The following KATNAL2 variants were observed in gnomAD, a reference collection of about 807,000 sequenced individuals.
KATNAL2 encodes katanin p60 ATPase-containing subunit A-like 2.
Under a neutral mutation model 76.3 loss-of-function variants are expected in KATNAL2, and 52 were observed. That is an observed-to-expected ratio of 0.68 (90% CI 0.55 to 0.86). The LOEUF (loss-of-function observed/expected upper bound fraction) is 0.86. KATNAL2 is among the 40% of genes least tolerant of loss of function. The pLI is 0.00. For missense variants in KATNAL2, 660 were observed against 668.9 expected (o/e 0.99, Z 0.15); for synonymous variants, 243 against 244.2 (o/e 1.00, Z 0.05).
intron 16 of KATNAL2, among the ~76,000 whole-genome samples, 159 bp from the exon 17 acceptor site, chr18:47,100,095 T>C (rs1314286769): frequency 7.6e-6 from 1 of 132,336 alleles, no homozygotes; most frequent in African/African-American, 2.6e-5. Flanking sequence ...GCAGGGTCTC[T>C]TCCTCAAGCA....
At chr18:46,923,059 T>C (rs1335022768) in intron 1 of KATNAL2, among the ~76,000 whole-genome samples, 1 of 150,836 alleles carries the variant, frequency 6.6e-6, no homozygotes, top group Non-Finnish European at 1.5e-5. Context: ...AACTTATTTT[T>C]TTTTTAATTT....
At chr18:47,082,565 T>C (rs1204554924) in intron 15 of KATNAL2, among the ~76,000 whole-genome samples, 1 of 152,244 alleles carries the variant, frequency 6.6e-6, no homozygotes, top group Non-Finnish European at 1.5e-5. Flanking sequence ...CTTGATTTTA[T>C]CTTAACAAAA....
At chr18:47,096,826 C>T (rs1438520089) in intron 15 of KATNAL2, among the ~76,000 whole-genome samples, 1 of 152,024 alleles carries the variant, frequency 6.6e-6, no homozygotes, top group Non-Finnish European at 1.5e-5. Context: ...CATAATAACT[C>T]CAAATAATGT....
rs1599745900 is a variant in KATNAL2 at position 47,069,210 on chromosome 18, G to C, written c.826-10G>C. 1.0e-5 allele frequency: 16 copies of C among 1,604,856 alleles called. No homozygotes were observed. The East Asian group carries it at 3.3e-4, about 34-fold the overall frequency. ...GTACCAAACCTCATCCTTGTTCCTT[G>C]TTTCCTTAGTATCCACAGCTATTTA... On this transcript the variant is annotated splice_polypyrimidine_tract_variant and intron_variant, in intron 11 of 17. Coordinates refer to ENST00000683218, the MANE Select transcript of KATNAL2 (RefSeq NM_001387690.1).
intron 15 of KATNAL2, among the ~76,000 whole-genome samples, chr18:47,078,164 A>C (rs2062329816): frequency 6.6e-6 from 1 of 152,220 alleles, no homozygotes; most frequent in African/African-American, 2.4e-5. Context: ...AGAGGGGACC[A>C]AGGTCAAGAG....
intron 3 of KATNAL2, among the ~76,000 whole-genome samples, chr18:47,031,012 T>TTC (rs2060385506): frequency 1.5e-4 from 1 of 6,622 alleles, no homozygotes; most frequent in African/African-American, 4.8e-4. Context: ...CTCTAGCATC[T>TTC]CCCCCCCCCC....
intron 1 of KATNAL2, among the ~76,000 whole-genome samples, chr18:46,940,939 CA>C (rs2059228638): frequency 6.6e-6 from 1 of 152,084 alleles, no homozygotes; most frequent in African/African-American, 2.4e-5. Flanking sequence ...GTGGGAGGAT[CA>C]CTTGAACCCA....
intron 1 of KATNAL2, among the ~76,000 whole-genome samples, chr18:46,932,384 A>G (rs2058954125): frequency 6.6e-6 from 1 of 152,058 alleles, no homozygotes; most frequent in Non-Finnish European, 1.5e-5. Flanking sequence ...AGAAATTAAA[A>G]AATGAAAGGG....
At chr18:47,036,215 TCTC>T (rs1170028242) in intron 3 of KATNAL2, among the ~76,000 whole-genome samples, 3 of 152,208 alleles carry the variant, frequency 2.0e-5, no homozygotes, top group Non-Finnish European at 4.4e-5. Flanking sequence ...CGCCTCATGA[TCTC>T]CTTTTGAAAC....
At chr18:46,968,133 G>T (rs1188420126) in intron 3 of KATNAL2, among the ~76,000 whole-genome samples, 6 of 117,758 alleles carry the variant, frequency 5.1e-5, no homozygotes, top group African/African-American at 1.9e-4. Context: ...TCTCCGTTTG[G>T]CCCAGCCTGT....
intron 3 of KATNAL2, among the ~76,000 whole-genome samples, chr18:46,950,699 TTTGAGACA>T (rs1162456344): frequency 2.6e-5 from 4 of 152,182 alleles, no homozygotes; most frequent in Non-Finnish European, 5.9e-5. Context: ...TTTTTCTTTT[TTTGAGACA>T]GAGTTTCACT....
At chr18:46,934,519 T>C (rs1377568224) in intron 1 of KATNAL2, among the ~76,000 whole-genome samples, 2 of 152,230 alleles carry the variant, frequency 1.3e-5, no homozygotes, top group African/African-American at 4.8e-5. Context: ...TGTAAATTTG[T>C]TTGAGTTCAT....
chr18:47,043,156 G>C (rs1420163700), intron 3 of KATNAL2, among the ~76,000 whole-genome samples: 1 of 148,406 alleles, frequency 6.7e-6, no homozygotes, highest in Non-Finnish European at 1.5e-5. Context: ...GAACGCGGGA[G>C]GCGGAGCTTG....
At chr18:46,941,183 G>C (rs546359580) in intron 1 of KATNAL2, among the ~76,000 whole-genome samples, 1 of 152,082 alleles carries the variant, frequency 6.6e-6, no homozygotes, top group South Asian at 2.1e-4. Flanking sequence ...AATTAGTCAG[G>C]TGAGATGGCA....
intron 10 of KATNAL2, among the ~76,000 whole-genome samples, chr18:47,066,008 A>T (rs1359718090): frequency 1.3e-5 from 2 of 151,754 alleles, no homozygotes; most frequent in African/African-American, 4.8e-5. Context: ...ATTTAAAAAA[A>T]ATTTTAAAAA....
chr18:46,932,368 A>G (rs1468189324), intron 1 of KATNAL2, among the ~76,000 whole-genome samples: 1 of 152,130 alleles, frequency 6.6e-6, no homozygotes, highest in Non-Finnish European at 1.5e-5. Context: ...TACACAAACT[A>G]CTAAAAGAAA....
chr18:47,033,906 C>A, intron 3 of KATNAL2: 1 of 1,613,202 alleles, frequency 6.2e-7, no homozygotes, highest in Non-Finnish European at 8.5e-7. Flanking sequence ...GGCTGGGCAC[C>A]GTTTTCGGCC....
chr18:47,054,168 C>T (rs1206438078), intron 5 of KATNAL2, among the ~76,000 whole-genome samples: 1 of 152,174 alleles, frequency 6.6e-6, no homozygotes, highest in Non-Finnish European at 1.5e-5. Flanking sequence ...AATATCTGAG[C>T]CCTTTGCAAT....
Position 47,099,359 on chromosome 18 carries a change from G to T in KATNAL2, c.1328G>T (p.Arg443Met), listed in dbSNP as rs780687910. Residue 443 changes from arginine to methionine, a missense_variant, in exon 16 of 18, where the codon AGG (arginine) becomes ATG (methionine). Transcript: ENST00000683218. ...YHWLPPVSKSRALELHTELEY... is the reference protein window; with the variant it reads ...YHWLPPVSKSMALELHTELEY... ...TGGCTGCCTCCTGTGAGCAAGAGCA[G>T]GGCCTTGGAGCTGCACACAGAGCTG... 1.2e-6 allele frequency: 2 copies of T among 1,614,068 alleles called. No homozygotes were observed. Among genetic ancestry groups the T allele is most frequent in the Non-Finnish European group, 1.7e-6 (2 of 1,179,946 alleles).
Sources: gnomAD v4.1 joint callset for allele counts (sites outside exome capture counted in the v4.1 genomes callset) on GRCh38, gnomAD v4.1.1 for gene constraint, MANE v1.5 for transcripts, NCBI Gene and HGNC (gene_info 2026-07-23, HGNC 2026-07-21) for gene names.